Variants in WAC observed in about 807,000 individuals in gnomAD.
The protein encoded by WAC is WW domain-containing adapter protein with coiled-coil.
Under a neutral mutation model 79.6 loss-of-function variants are expected in WAC, and 11 were observed. That is an observed-to-expected ratio of 0.14 (90% CI 0.09 to 0.23). The LOEUF (loss-of-function observed/expected upper bound fraction) is 0.23. Among genes scored for constraint, WAC ranks in the 10% least tolerant of loss-of-function variants. The pLI, the probability that WAC is intolerant of heterozygous loss-of-function variation, is 1.00. For synonymous variants in WAC, 304 were observed against 276.9 expected (o/e 1.10, Z -0.97); for missense variants, 728 against 773.5 (o/e 0.94, Z 0.70).
At position 28,563,744 on chromosome 10, in the gene WAC, C is replaced by CTTTTTTTTTTTTTTTTTTTTTTTTTT. The variant is rs71281550; in HGVS notation, c.275-19651_275-19626dup. On this transcript the variant is annotated intron_variant, in intron 3 of 13. Transcript: ENST00000354911. ...ACAAGTGCATGCTGCCTACACCCAG[C>CTTTTTTTTTTTTTTTTTTTTTTTTTT]TTTTTTTTTTTTTTTTTTTTTTTTT... Among the ~76,000 whole-genome samples the CTTTTTTTTTTTTTTTTTTTTTTTTTT allele has an allele frequency of 3.7e-4, 25 of 67,908 alleles. 2 individuals are homozygous for CTTTTTTTTTTTTTTTTTTTTTTTTTT. Among genetic ancestry groups the CTTTTTTTTTTTTTTTTTTTTTTTTTT allele is most frequent in the East Asian group, 9.6e-4 (1 of 1,040 alleles). The allele number at this position is 67,908 out of a possible 152,430, so 44.6% of individuals were successfully genotyped here. A position where few individuals can be genotyped will look rare whatever the true frequency, so the allele number is the denominator to read the frequency against.
chr10:28,550,524 G>C lies in WAC; in HGVS notation c.274+14767G>C, dbSNP rs774064108. Among the ~76,000 whole-genome samples, 14 of 151,998 alleles carry C rather than the reference G, an allele frequency of 9.2e-5. 1 individual carries two copies. Among genetic ancestry groups the C allele is most frequent in the Non-Finnish European group, 2.1e-4 (14 of 68,006 alleles). On this transcript the variant is annotated intron_variant, in intron 3 of 13. Transcript: ENST00000354911. Reference sequence around the variant, plus strand: ...CTGCTACACTTTGAGCTCCTAATAGGCAGCGATTTGTATGTGTGTGTGGAG... The same window carrying C: ...CTGCTACACTTTGAGCTCCTAATAGCCAGCGATTTGTATGTGTGTGTGGAG...
intron 3 of WAC, among the ~76,000 whole-genome samples, chr10:28,567,210 G>T: frequency 6.6e-6 from 1 of 150,384 alleles, no homozygotes; most frequent in Non-Finnish European, 1.5e-5. Flanking sequence ...TTTTGTTGGG[G>T]GGACTTTATC....
chr10:28,550,900 C>T (rs932883127), intron 3 of WAC, among the ~76,000 whole-genome samples: 6 of 152,100 alleles, frequency 3.9e-5, no homozygotes, highest in Non-Finnish European at 7.4e-5. Flanking sequence ...GACTAGTGTC[C>T]GTTGCATTAG....
In WAC at chr10:28,583,278, A is replaced by C. The variant is rs1270388401; in HGVS notation, c.275-121A>C. 6 of 680,030 alleles carry C rather than the reference A, an allele frequency of 8.8e-6. No individual in the cohort carries two copies. The African/African-American group carries it at 9.4e-5, about 11-fold the overall frequency. 42.1% of individuals were successfully genotyped at this position (680,030 alleles called of 1,614,324 possible). On this transcript the variant is annotated intron_variant, in intron 3 of 13. Transcript: ENST00000354911. ...AAAGTATGACTGTGTATATATTCCTAATGCTTATGTAAGATGTTCGTTTAG... is the reference window on the plus strand; with the variant it reads ...AAAGTATGACTGTGTATATATTCCTCATGCTTATGTAAGATGTTCGTTTAG...
At position 28,533,122 on chromosome 10, in the gene WAC, T is replaced by C. The variant is rs529201966; in HGVS notation, c.-458T>C. ...TTCCCGAAGGCGGCAGCGTCCGAGT[T>C]GCCCGGATGTAGTTGGTGGAGCGGC... On this transcript the variant is annotated 5_prime_UTR_variant, in exon 1 of 14. Coordinates refer to ENST00000354911, the MANE Select transcript of WAC (RefSeq NM_016628.5). 6.3e-6 allele frequency: 1 copy of C among 157,762 alleles called. No individual in the cohort carries two copies. The highest frequency in any genetic ancestry group is 1.5e-4 in the South Asian group (1 of 6,548). The allele number at this position is 157,762 out of a possible 1,614,324, so 9.8% of individuals were successfully genotyped here. A position where few individuals can be genotyped will look rare whatever the true frequency, so the allele number is the denominator to read the frequency against.
chr10:28,580,743 G>A lies in WAC; in HGVS notation c.275-2656G>A, dbSNP rs1470699098. On this transcript the variant is annotated intron_variant, in intron 3 of 13. Transcript: ENST00000354911. ...AAATCTGATTTTTAAAAAATCTTTG[G>A]AGTTATATCTGAAAAGTAGAAATTT... is the stretch of plus-strand genomic sequence containing the variant. Among the ~76,000 whole-genome samples, 5 of 152,094 alleles carry A rather than the reference G, an allele frequency of 3.3e-5. No homozygotes were observed. In the East Asian group the frequency reaches 9.6e-4, roughly 29 times the overall value.
chr10:28,543,033 A>G (rs1277582407), intron 3 of WAC, among the ~76,000 whole-genome samples: 1 of 152,226 alleles, frequency 6.6e-6, no homozygotes, highest in African/African-American at 2.4e-5. Flanking sequence ...GATAAAAAAA[A>G]TTTGGATTGT....
intron 3 of WAC, among the ~76,000 whole-genome samples, chr10:28,580,483 G>C (rs1839477744): frequency 6.6e-6 from 1 of 152,148 alleles, no homozygotes; most frequent in African/African-American, 2.4e-5. Context: ...TCATTTCATA[G>C]ATTTAAGCAT....
chr10:28,542,933 G>A (rs1050159556), intron 3 of WAC, among the ~76,000 whole-genome samples: 1 of 152,208 alleles, frequency 6.6e-6, no homozygotes, highest in Non-Finnish European at 1.5e-5. Flanking sequence ...CACCAGAAGA[G>A]GAAGTGAGAG....
chr10:28,551,707 A>G (rs1255276104), intron 3 of WAC, among the ~76,000 whole-genome samples: 3 of 151,268 alleles, frequency 2.0e-5, no homozygotes, highest in East Asian at 1.9e-4. Flanking sequence ...AGGATCTGAA[A>G]TTGTTTTTCA....
At chr10:28,580,337 T>A (rs1839469647) in intron 3 of WAC, among the ~76,000 whole-genome samples, 1 of 152,238 alleles carries the variant, frequency 6.6e-6, no homozygotes, top group African/African-American at 2.4e-5. Flanking sequence ...TTCATTGACT[T>A]CAGGAATAGT....
intron 7 of WAC, among the ~76,000 whole-genome samples, chr10:28,603,045 C>CAT (rs1840713690): frequency 6.6e-6 from 1 of 152,074 alleles, no homozygotes; most frequent in Non-Finnish European, 1.5e-5. Flanking sequence ...CACAAAATAT[C>CAT]CTTTGAAAGA....
At chr10:28,582,850 T>TC (rs1189396187) in intron 3 of WAC, among the ~76,000 whole-genome samples, 2 of 152,206 alleles carry the variant, frequency 1.3e-5, no homozygotes, top group Non-Finnish European at 2.9e-5. Context: ...AGTCTTGATG[T>TC]CATCTTTATC....
Position 28,599,692 on chromosome 10 carries a change from AACCT to A in WAC, c.919+3653_919+3656del, listed in dbSNP as rs576527128. On this transcript the variant is annotated intron_variant, in intron 7 of 13. Coordinates refer to ENST00000354911, the MANE Select transcript of WAC (RefSeq NM_016628.5). ...TGCCAGTGTGTCATTTGAGAGAAAG[AACCT>A]AAGGTGAATTCAAGTTTTGTGCCTG... Among the ~76,000 whole-genome samples the A allele has an allele frequency of 6.6e-4, 101 of 152,348 alleles. No individual in the cohort carries two copies. The South Asian group carries it at 7.7e-3, about 12-fold the overall frequency.
intron 3 of WAC, among the ~76,000 whole-genome samples, chr10:28,566,298 A>G (rs1314920520): frequency 6.6e-6 from 1 of 152,176 alleles, no homozygotes; most frequent in African/African-American, 2.4e-5. Flanking sequence ...AGGGTGGGGC[A>G]AGTGTTGACT....
chr10:28,585,540 C>T (rs572985571), intron 4 of WAC, among the ~76,000 whole-genome samples: 1 of 150,900 alleles, frequency 6.6e-6, no homozygotes, highest in Non-Finnish European at 1.5e-5. Context: ...TTTCTTTTTC[C>T]TTTCTTTTTT....
chr10:28,573,345 C>G (rs1839078071), intron 3 of WAC, among the ~76,000 whole-genome samples: 1 of 151,986 alleles, frequency 6.6e-6, no homozygotes, highest in Non-Finnish European at 1.5e-5. Context: ...CTTTCTGTCT[C>G]TCTAGATTTT....
chr10:28,602,530 T>C (rs1223087833), intron 7 of WAC, among the ~76,000 whole-genome samples: 2 of 152,192 alleles, frequency 1.3e-5, no homozygotes, highest in African/African-American at 4.8e-5. Context: ...AGGCTGCCTT[T>C]GTAGCAGTAA....
At chr10:28,580,628 A>AATCCCAT (rs1213796941) in intron 3 of WAC, among the ~76,000 whole-genome samples, 42 of 152,184 alleles carry the variant, frequency 2.8e-4, no homozygotes, top group African/African-American at 8.7e-4. Context: ...GACAAACTTA[A>AATCCCAT]GGAAATTTTC....
Sources: allele counts gnomAD v4.1 joint callset (sites outside exome capture counted in the v4.1 genomes callset), GRCh38; gene constraint gnomAD v4.1.1; transcripts MANE v1.5; gene names NCBI Gene and HGNC (gene_info 2026-07-23, HGNC 2026-07-21).